Variants in BLNK observed in about 807,000 individuals in gnomAD.
BLNK encodes the protein B-cell linker protein.
In BLNK, 29 loss-of-function variants were observed where a neutral mutation model predicts 73.5. The observed-to-expected ratio is 0.39, with a 90% confidence interval of 0.29 to 0.54. The LOEUF is 0.54. BLNK is among the 20% of genes least tolerant of loss of function. The pLI, the probability that BLNK is intolerant of heterozygous loss-of-function variation, is 0.61. For missense variants in BLNK, 460 were observed against 562.8 expected, an observed-to-expected ratio of 0.82 and a Z score of 1.85; for synonymous variants, 176 against 200.8, an observed-to-expected ratio of 0.88 and a Z score of 1.04.
At chr10:96,216,502 C>G (rs1387599451) in intron 7 of BLNK, 151 bp downstream of exon 7, 1 of 713,208 alleles carries the variant, frequency 1.4e-6, no homozygotes, top group Non-Finnish European at 2.5e-6. Flanking sequence ...TGCTGTCTGC[C>G]CAACCAGCCA....
At chr10:96,259,881 A>G (rs940820507) in intron 1 of BLNK, among the ~76,000 whole-genome samples, 3 of 151,872 alleles carry the variant, frequency 2.0e-5, no homozygotes, top group Admixed American at 6.6e-5. Flanking sequence ...TATCAGAGGC[A>G]GTTATGCATC....
At chr10:96,249,880 G>A (rs1843208495) in intron 1 of BLNK, among the ~76,000 whole-genome samples, 1 of 152,232 alleles carries the variant, frequency 6.6e-6, no homozygotes, top group South Asian at 2.1e-4. Flanking sequence ...GGGGAAGAGA[G>A]TGTTCCACTG....
Position 96,200,190 on chromosome 10 carries a change from A to T in BLNK, c.1012-32T>A. On this transcript the variant is annotated intron_variant, in intron 14 of 16. Transcript: ENST00000224337. This position sits in a 1 kb window ranked among gnomAD's most constrained non-coding sequence, Gnocchi z 4.3. ...AATGGAGGGCACTGGTCAGCATGGG[A>T]TGGTCCCTACTTAACTCTAATTTCT... The T allele has an allele frequency of 2.5e-6, 4 of 1,588,454 alleles. No individual in the cohort carries two copies. The highest frequency in any genetic ancestry group is 3.5e-6 in the Non-Finnish European group (4 of 1,157,162).
Position 96,191,195 on chromosome 10 carries a change from G to T in BLNK, c.*778C>A, listed in dbSNP as rs2083322832. 6.7e-6 allele frequency among the ~76,000 whole-genome samples: 1 copy of T among 150,282 alleles called. No homozygotes were observed. ...TCTTTGCCTTCTGCCATGATTGTGA[G>T]GCCTCCCCAACCATGTGGAACTGTG... On this transcript the variant is annotated 3_prime_UTR_variant, in exon 17 of 17. Coordinates refer to ENST00000224337, the MANE Select transcript of BLNK (RefSeq NM_013314.4).
At chr10:96,194,741 A>G (rs951008645) in intron 16 of BLNK, among the ~76,000 whole-genome samples, 13 of 151,610 alleles carry the variant, frequency 8.6e-5, no homozygotes, top group Non-Finnish European at 1.6e-4. Context: ...AAAATGTTCA[A>G]CATCACTAAT....
chr10:96,271,320 T>C (rs373963989), intron 1 of BLNK, 32 bp downstream of exon 1: 1 of 1,610,158 alleles, frequency 6.2e-7, no homozygotes, highest in Non-Finnish European at 8.5e-7. Context: ...AAAAAGGAGA[T>C]GAAGAAGGGT....
intron 13 of BLNK, among the ~76,000 whole-genome samples, chr10:96,202,940 C>T (rs148212028): frequency 7.9e-5 from 12 of 152,350 alleles, no homozygotes; most frequent in African/African-American, 2.9e-4. Context: ...ATCCTGTCTA[C>T]AGCAGCAGCC....
At chr10:96,257,633 T>G (rs1843572785) in intron 1 of BLNK, among the ~76,000 whole-genome samples, 1 of 152,278 alleles carries the variant, frequency 6.6e-6, no homozygotes, top group South Asian at 2.1e-4. Flanking sequence ...TTTAAAATAT[T>G]ATATTAAATA....
At chr10:96,220,840 A>G (rs2084181079) in intron 6 of BLNK, among the ~76,000 whole-genome samples, 1 of 152,250 alleles carries the variant, frequency 6.6e-6, no homozygotes, top group Non-Finnish European at 1.5e-5. Flanking sequence ...TTTCAGTATT[A>G]ATAAGACACT....
chr10:96,225,479 G>A (rs904427156), intron 5 of BLNK, among the ~76,000 whole-genome samples: 2 of 152,188 alleles, frequency 1.3e-5, no homozygotes, highest in East Asian at 1.9e-4. Flanking sequence ...TGGTGTGGCT[G>A]TACTCAGGCA....
chr10:96,202,062 T>A (rs1483821943), intron 13 of BLNK, among the ~76,000 whole-genome samples: 1 of 152,024 alleles, frequency 6.6e-6, no homozygotes, highest in Non-Finnish European at 1.5e-5. Context: ...CTGGCATATC[T>A]AAGGAATAGC....
rs587605122 is a variant in BLNK, at chr10:96,205,716, G to A, written c.818-1100C>T. Among the ~76,000 whole-genome samples the A allele has an allele frequency of 2.8e-4, 42 of 152,282 alleles. No homozygotes were observed. In the East Asian group the frequency reaches 7.3e-3, roughly 27 times the overall value. ...AGGCCACTCACTCACTTTGCATTTG[G>A]ATGGTAATTGCCTATGCTCTTGAAA... On this transcript the variant is annotated intron_variant, in intron 11 of 16. Coordinates refer to ENST00000224337, the MANE Select transcript of BLNK (RefSeq NM_013314.4).
chr10:96,249,893 A>G lies in BLNK; in HGVS notation c.48-2844T>C, dbSNP rs577574421. On this transcript the variant is annotated intron_variant, in intron 1 of 16. Transcript: ENST00000224337. ...TTGGGGAAGAGAGTGTTCCACTGGC[A>G]TGGAAGGGTGGAGGGAGGACAGGCT... 4.4e-4 allele frequency among the ~76,000 whole-genome samples: 67 copies of G among 152,308 alleles called. No individual in the cohort carries two copies. In the South Asian group the frequency reaches 0.013, roughly 31 times the overall value.
intron 11 of BLNK, 67 bp downstream of exon 11, chr10:96,206,944 T>C (rs1270981992): frequency 2.1e-6 from 3 of 1,459,426 alleles, no homozygotes; most frequent in East Asian, 4.5e-5. Flanking sequence ...AATAAATGTG[T>C]ACATACAAAT....
intron 3 of BLNK, among the ~76,000 whole-genome samples, chr10:96,235,652 T>C (rs1203391831): frequency 6.6e-6 from 1 of 152,172 alleles, no homozygotes; most frequent in Non-Finnish European, 1.5e-5. Context: ...GAGAAAGGTG[T>C]GCCCAGTGAC....
intron 3 of BLNK, among the ~76,000 whole-genome samples, chr10:96,235,104 A>C (rs1554904846): frequency 1.3e-5 from 2 of 152,198 alleles, no homozygotes; most frequent in Non-Finnish European, 2.9e-5. Flanking sequence ...AGACACAAGG[A>C]GATGTGAGAA....
intron 11 of BLNK, among the ~76,000 whole-genome samples, chr10:96,205,574 A>G (rs944810100): frequency 6.6e-6 from 1 of 152,226 alleles, no homozygotes; most frequent in African/African-American, 2.4e-5. Flanking sequence ...TGCTCATGAC[A>G]TTAAAACTTG....
chr10:96,204,252 A>G, intron 12 of BLNK, 164 bp from the exon 13 acceptor site: 1 of 816,380 alleles, frequency 1.2e-6, no homozygotes, highest in Non-Finnish European at 2.0e-6. Flanking sequence ...AACCTTAAAG[A>G]TAAGTAAGAC....
At chr10:96,211,695 A>T (rs1564821889) in intron 8 of BLNK, among the ~76,000 whole-genome samples, 1 of 152,166 alleles carries the variant, frequency 6.6e-6, no homozygotes, top group Non-Finnish European at 1.5e-5. Context: ...ACTGGGTCTG[A>T]TTTTTTGAAA....
Sources: allele counts gnomAD v4.1 joint callset (sites outside exome capture counted in the v4.1 genomes callset), GRCh38; gene constraint gnomAD v4.1.1; non-coding constraint Gnocchi (gnomAD v3.1); transcripts MANE v1.5; gene names NCBI Gene and HGNC (gene_info 2026-07-23, HGNC 2026-07-21).